LRP3: variants seen among roughly 807,000 people sequenced by gnomAD.
The protein encoded by LRP3 is low-density lipoprotein receptor-related protein 3.
LRP3 carries 49 observed loss-of-function variants against 58.5 expected under a neutral mutation model. The observed-to-expected ratio is 0.84, with a 90% confidence interval of 0.67 to 1.06. The LOEUF is 1.06. LRP3 is among the 50% of genes least tolerant of loss of function. The pLI is 0.00. For missense variants in LRP3, 1,019 were observed against 1,134.2 expected (o/e 0.90, Z 1.46); for synonymous variants, 485 against 492.2 (o/e 0.99, Z 0.20).
chr19:33,204,587 T>G, intron 3 of LRP3, 51 bp from the exon 4 acceptor site: 57 of 1,357,818 alleles, frequency 4.2e-5, no homozygotes, highest in Non-Finnish European at 5.6e-5. Context: ...TCCTCGGCCA[T>G]GGAGATCCCA....
chr19:33,205,367 C>G lies in LRP3; in HGVS notation c.597C>G (p.Asn199Lys). The change falls in exon 5 of 7, where the codon AAC (asparagine) becomes AAG (lysine). Residue 199 changes from asparagine to lysine, a missense_variant. Coordinates refer to ENST00000253193, the MANE Select transcript of LRP3 (RefSeq NM_002333.4). ...DECGDGSDEG[N>K]CSAPASEPPG... ...GTGGAGACGGCTCTGATGAGGGCAACTGCTCGGCGCCCGCCTCCGAGCCTC... is the reference window on the plus strand; with the variant it reads ...GTGGAGACGGCTCTGATGAGGGCAAGTGCTCGGCGCCCGCCTCCGAGCCTC... The G allele has an allele frequency of 6.2e-7, 1 of 1,601,566 alleles. No individual in the cohort carries two copies. The highest frequency in any genetic ancestry group is 8.5e-7 in the Non-Finnish European group (1 of 1,172,280).
At chr19:33,198,425 A>C (rs999657652) in intron 2 of LRP3, among the ~76,000 whole-genome samples, 11 of 152,116 alleles carry the variant, frequency 7.2e-5, no homozygotes, top group Non-Finnish European at 1.5e-4. Context: ...TAGCTGTCCT[A>C]GAGTCCACTT....
intron 2 of LRP3, among the ~76,000 whole-genome samples, 191 bp downstream of exon 2, chr19:33,196,968 G>A (rs1478341295): frequency 6.6e-6 from 1 of 152,160 alleles, no homozygotes; most frequent in African/African-American, 2.4e-5. Context: ...TCTGTAAAGT[G>A]GGTGAAATAA....
At chr19:33,198,290 C>T (rs1427955097) in intron 2 of LRP3, among the ~76,000 whole-genome samples, 1 of 152,200 alleles carries the variant, frequency 6.6e-6, no homozygotes, top group Admixed American at 6.5e-5. Flanking sequence ...CCTTAGCTGT[C>T]AAGACCTCAG....
Position 33,207,354 on chromosome 19 carries a change from A to G in LRP3, c.2092A>G (p.Lys698Glu). 6.3e-7 allele frequency: 1 copy of G among 1,585,978 alleles called. No homozygotes were observed. Among genetic ancestry groups the G allele is most frequent in the Non-Finnish European group, 8.5e-7 (1 of 1,172,468 alleles). ...AGACCCAGAGTGCAGGCCCGTGGAC[A>G]AGGACAGAAAGGTCTGCAGGGAGCC... ...LRDPECRPVD[K>E]DRKVCREPLV... The change falls in exon 7 of 7, where the codon AAG becomes GAG. Residue 698 changes from lysine (K) to glutamate (E), a missense_variant. Coordinates refer to ENST00000253193, the MANE Select transcript of LRP3 (RefSeq NM_002333.4).
rs919390616 is a variant in LRP3 at position 33,207,070 on chromosome 19, G to A, written c.1808G>A (p.Arg603His). The A allele has an allele frequency of 4.3e-5, 65 of 1,494,442 alleles. No individual in the cohort carries two copies. Among genetic ancestry groups the A allele is most frequent in the Admixed American group, 7.4e-5 (3 of 40,338 alleles). The allele number at this position is 1,494,442 out of a possible 1,614,324, so 92.6% of individuals were successfully genotyped here. Residue 603 changes from arginine to histidine, a missense_variant, in exon 7 of 7, where the codon CGC (arginine) becomes CAC (histidine). Arg to His is a conservative substitution (Grantham distance 29, BLOSUM62 0). Coordinates refer to ENST00000253193, the MANE Select transcript of LRP3 (RefSeq NM_002333.4). ...TCCCGCCGGGGGCCCTCCCGCCGCC[G>A]CCTCGGCCGCCTCTGGAACCGGCTC... ...HASRRGPSRR[R>H]LGRLWNRLFH...
Position 33,205,762 on chromosome 19 carries a change from A to G in LRP3, c.992A>G (p.His331Arg), listed in dbSNP as rs1284427687. The G allele has an allele frequency of 1.3e-6, 2 of 1,590,060 alleles. No homozygotes were observed. The highest frequency in any genetic ancestry group is 1.7e-5 in the Admixed American group (1 of 57,590). ...CAGACGCTGTCCTACCGCAGCAACC[A>G]CCGGCCCGTGAGCCTGGAGGCCGCC... ...LLQTLSYRSN[H>R]RPVSLEAAQG... Residue 331 changes from histidine to arginine, a missense_variant, in exon 5 of 7, where the codon CAC (histidine) becomes CGC (arginine). This residue lies in a region of LRP3 where 592 missense variants were observed against 725.5 expected (regional missense o/e 0.82). Transcript: ENST00000253193.
chr19:33,195,460 G>T (rs1299752388), intron 1 of LRP3, among the ~76,000 whole-genome samples: 1 of 152,214 alleles, frequency 6.6e-6, no homozygotes, highest in Non-Finnish European at 1.5e-5. Context: ...CCCTGTCCGG[G>T]AGTTTTTCTG....
intron 2 of LRP3, among the ~76,000 whole-genome samples, chr19:33,197,954 C>T (rs1028509455): frequency 1.4e-4 from 22 of 152,280 alleles, no homozygotes; most frequent in African/African-American, 5.3e-4. Context: ...CAAGGCCGGG[C>T]CTTGCTCAGC....
Position 33,208,466 on chromosome 19 carries a change from T to C in LRP3, c.*891T>C. On this transcript the variant is annotated 3_prime_UTR_variant, in exon 7 of 7. Transcript: ENST00000253193. The surrounding 1 kb of genome is among the most constrained non-coding windows in gnomAD (Gnocchi z 4.7). ...GGCGGACTGAGCTGCTACCCCATCCTCGACATCCCTTTAGGGCAGGGGGAC... is the reference window on the plus strand; with the variant it reads ...GGCGGACTGAGCTGCTACCCCATCCCCGACATCCCTTTAGGGCAGGGGGAC... 3.8e-6 allele frequency: 1 copy of C among 262,280 alleles called. No homozygotes were observed. The highest frequency in any genetic ancestry group is 7.4e-6 in the Non-Finnish European group (1 of 134,536). The allele number at this position is 262,280 out of a possible 1,614,324, so 16.2% of individuals were successfully genotyped here.
rs1780295080 is a variant in LRP3 at position 33,208,815 on chromosome 19, A to G, written c.*1240A>G. On this transcript the variant is annotated 3_prime_UTR_variant, in exon 7 of 7. Transcript: ENST00000253193. This position sits in a 1 kb window ranked among gnomAD's most constrained non-coding sequence, Gnocchi z 4.7. Reference sequence around the variant, plus strand: ...TTTTTTTTCCAGAAAAAAACAAAACAAAACTTTTTTGCCAAAACACCTCCT... The same window carrying G: ...TTTTTTTTCCAGAAAAAAACAAAACGAAACTTTTTTGCCAAAACACCTCCT... 1 of 1,602,316 alleles carries G rather than the reference A, an allele frequency of 6.2e-7. No individual in the cohort carries two copies. The highest frequency in any genetic ancestry group is 1.3e-5 in the African/African-American group (1 of 74,622).
At chr19:33,203,882 G>C (rs1178503686) in intron 3 of LRP3, 1 of 152,414 alleles carries the variant, frequency 6.6e-6, no homozygotes, top group Non-Finnish European at 1.5e-5. Flanking sequence ...GAGCTGCAGG[G>C]ACATGCAGAG....
At position 33,202,932 on chromosome 19, in the gene LRP3, G is replaced by C; in HGVS notation, c.206G>C (p.Gly69Ala). Residue 69 changes from glycine (G) to alanine (A), a missense_variant, in exon 3 of 7, where the codon GGC becomes GCC. Transcript: ENST00000253193. ...GCCTGGCCCCTCAACTACCCGCCAGGCACCAACTGCAGCTGGTACATCCAG... is the reference window on the plus strand; with the variant it reads ...GCCTGGCCCCTCAACTACCCGCCAGCCACCAACTGCAGCTGGTACATCCAG... The part of the protein sequence containing the change: ...SPAWPLNYPP[G>A]TNCSWYIQGD... 1 of 1,612,430 alleles carries C rather than the reference G, an allele frequency of 6.2e-7. No individual in the cohort carries two copies. Among genetic ancestry groups the C allele is most frequent in the Non-Finnish European group, 8.5e-7 (1 of 1,179,436 alleles).
In LRP3 at chr19:33,205,594, G is replaced by A. The variant is rs937663495; in HGVS notation, c.824G>A (p.Arg275His). The A allele has an allele frequency of 5.0e-6, 8 of 1,610,350 alleles. No homozygotes were observed. The highest frequency in any genetic ancestry group is 5.9e-6 in the Non-Finnish European group (7 of 1,179,310). ...FASPDLFGAA[R>H]GPSDLHCTWL... ...TCCCCAGACCTGTTCGGCGCCGCTC[G>A]CGGGCCCTCAGACCTTCACTGCACG... Residue 275 changes from arginine to histidine, a missense_variant, in exon 5 of 7, where the codon CGC becomes CAC. Transcript: ENST00000253193.
chr19:33,208,493 C>T lies in LRP3; in HGVS notation c.*918C>T, dbSNP rs1599941979. ...GACATCCCTTTAGGGCAGGGGGACTCTGGGTGCCATGGTAGGGAGCGCCTG... is the reference window on the plus strand; with the variant it reads ...GACATCCCTTTAGGGCAGGGGGACTTTGGGTGCCATGGTAGGGAGCGCCTG... On this transcript the variant is annotated 3_prime_UTR_variant, in exon 7 of 7. Coordinates refer to ENST00000253193, the MANE Select transcript of LRP3 (RefSeq NM_002333.4). The surrounding 1 kb of genome is among the most constrained non-coding windows in gnomAD (Gnocchi z 4.7). 3.3e-6 allele frequency: 1 copy of T among 301,404 alleles called. No individual in the cohort carries two copies. The highest frequency in any genetic ancestry group is 9.2e-5 in the East Asian group (1 of 10,912). The allele number at this position is 301,404 out of a possible 1,614,324, so 18.7% of individuals were successfully genotyped here. A position where few individuals can be genotyped will look rare whatever the true frequency, so the allele number is the denominator to read the frequency against.
At chr19:33,199,960 G>A (rs1486127315) in intron 2 of LRP3, among the ~76,000 whole-genome samples, 1 of 152,202 alleles carries the variant, frequency 6.6e-6, no homozygotes, top group Middle Eastern at 3.2e-3. Context: ...GGAGGCCTCT[G>A]GGGCTGAGTA....
At chr19:33,201,752 GGTGCT>G (rs1883209707) in intron 2 of LRP3, among the ~76,000 whole-genome samples, 1 of 152,112 alleles carries the variant, frequency 6.6e-6, no homozygotes, top group Non-Finnish European at 1.5e-5. Flanking sequence ...GAAGGGTCAG[GGTGCT>G]GTGGGGTGGG....
At chr19:33,195,871 C>T (rs2035566571) in intron 1 of LRP3, among the ~76,000 whole-genome samples, 1 of 152,190 alleles carries the variant, frequency 6.6e-6, no homozygotes, top group African/African-American at 2.4e-5. Context: ...ACAGGCGCTC[C>T]ATGCTTAGGA....
chr19:33,204,549 T>G (rs1974378052), intron 3 of LRP3, 89 bp from the exon 4 acceptor site: 1 of 943,632 alleles, frequency 1.1e-6, no homozygotes, highest in East Asian at 2.4e-5. Flanking sequence ...GTCCTGGCCG[T>G]GGCTCCAGCC....
Sources: gnomAD v4.1 joint callset for allele counts (sites outside exome capture counted in the v4.1 genomes callset) on GRCh38, gnomAD v4.1.1 for gene constraint, gnomAD v4.1.1 regional missense constraint, Gnocchi (gnomAD v3.1) non-coding constraint, MANE v1.5 for transcripts, NCBI Gene and HGNC (gene_info 2026-07-23, HGNC 2026-07-21) for gene names.